GRM7: variants seen among roughly 807,000 people sequenced by gnomAD.
GRM7 encodes glutamate metabotropic receptor 7.
In GRM7, 35 loss-of-function variants were observed where a neutral mutation model predicts 84.5. That is an observed-to-expected ratio of 0.41 (90% CI 0.32 to 0.55). GRM7 has a LOEUF of 0.55. GRM7 is among the 20% of genes least tolerant of loss of function. The probability of loss-of-function intolerance (pLI) is 0.19; values close to 1 mark genes in which losing one functional copy is unlikely to be tolerated. For synonymous variants in GRM7, 487 were observed against 455.1 expected (o/e 1.07, Z -0.89); for missense variants, 1,003 against 1,194.6 (o/e 0.84, Z 2.36).
chr3:7,173,101 A>G (rs1179899920), intron 2 of GRM7, among the ~76,000 whole-genome samples: 1 of 152,216 alleles, frequency 6.6e-6, no homozygotes, highest in Non-Finnish European at 1.5e-5. Flanking sequence ...GGACTTGTCC[A>G]AGGTCACCAA....
In GRM7 at chr3:7,443,613, G is replaced by A. The variant is rs186691162; in HGVS notation, c.1175-8994G>A. ...ATTTTCTTTATTTTCTGCATTTCCT[G>A]TAAATTAATACATAGATCCAGAGCT... On this transcript the variant is annotated intron_variant, in intron 5 of 9. Transcript: ENST00000357716. Among the ~76,000 whole-genome samples the A allele has an allele frequency of 1.8e-3, 272 of 152,080 alleles. 3 individuals carry two copies. The highest frequency in any genetic ancestry group is 5.1e-3 in the African/African-American group (212 of 41,490).
intron 2 of GRM7, among the ~76,000 whole-genome samples, chr3:7,293,905 C>G (rs1699724941): frequency 6.6e-6 from 1 of 152,182 alleles, no homozygotes; most frequent in African/African-American, 2.4e-5. Flanking sequence ...GATGGATTGT[C>G]TTTCCAGCAG....
chr3:7,041,232 A>C (rs376065599), intron 1 of GRM7, among the ~76,000 whole-genome samples: 2 of 152,232 alleles, frequency 1.3e-5, no homozygotes, highest in Non-Finnish European at 1.5e-5. Context: ...ACCACAATCA[A>C]GATAACAAGC....
intron 2 of GRM7, among the ~76,000 whole-genome samples, chr3:7,277,240 T>C (rs2124989110): frequency 6.6e-6 from 1 of 152,192 alleles, no homozygotes; most frequent in East Asian, 1.9e-4. Context: ...ACTGTTGAAT[T>C]TCATGGACCA....
At chr3:7,306,428 A>T in intron 3 of GRM7, 70 bp from the exon 4 acceptor site, 11 of 1,344,986 alleles carry the variant, frequency 8.2e-6, no homozygotes, top group Non-Finnish European at 1.2e-5. Flanking sequence ...CCTTTTGCTG[A>T]CTTGCAATCT....
rs184402495 is a variant in GRM7, at chr3:6,939,920, A to T, written c.519+78013A>T. Reference sequence around the variant, plus strand: ...ATTTCATGATTTACAAAATGATAATATTCATATGCCACACTGGGGTGAACC... The same window carrying T: ...ATTTCATGATTTACAAAATGATAATTTTCATATGCCACACTGGGGTGAACC... On this transcript the variant is annotated intron_variant, in intron 1 of 9. Transcript: ENST00000357716. 4.9e-4 allele frequency among the ~76,000 whole-genome samples: 75 copies of T among 152,258 alleles called. 1 individual carries two copies. In the East Asian group the frequency reaches 0.012, roughly 24 times the overall value.
chr3:7,330,765 C>G (rs113677410), intron 4 of GRM7, among the ~76,000 whole-genome samples: 14,579 of 152,266 alleles, frequency 0.096, 1,081 homozygotes, highest in African/African-American at 0.21. Context: ...ATAAATTACC[C>G]AGTCTTGGGT....
rs180719358 is a variant in GRM7, at chr3:7,638,545, C to G, written c.2452-41504C>G. Reference sequence around the variant, plus strand: ...CCCACTCACCCTAATGCAACAAAGCCTTCCTGTAAGATCACCTCTTTTCTT... The same window carrying G: ...CCCACTCACCCTAATGCAACAAAGCGTTCCTGTAAGATCACCTCTTTTCTT... On this transcript the variant is annotated intron_variant, in intron 8 of 9. Transcript: ENST00000357716. 3.3e-5 allele frequency among the ~76,000 whole-genome samples: 5 copies of G among 152,252 alleles called. No individual in the cohort carries two copies. In the East Asian group the frequency reaches 9.7e-4, roughly 29 times the overall value.
At chr3:7,529,160 T>C (rs549994698) in intron 7 of GRM7, among the ~76,000 whole-genome samples, 1 of 152,130 alleles carries the variant, frequency 6.6e-6, no homozygotes, top group Non-Finnish European at 1.5e-5. Flanking sequence ...TATTTTGTGG[T>C]AAAGTTCGAG....
chr3:7,408,373 C>G (rs757858837), intron 4 of GRM7, among the ~76,000 whole-genome samples: 1 of 152,122 alleles, frequency 6.6e-6, no homozygotes, highest in Non-Finnish European at 1.5e-5. Context: ...CATCCATAAA[C>G]ACTTCCCGTG....
At chr3:7,564,870 T>G (rs1694190318) in intron 7 of GRM7, among the ~76,000 whole-genome samples, 1 of 152,126 alleles carries the variant, frequency 6.6e-6, no homozygotes, top group Admixed American at 6.5e-5. Context: ...CTTTCTATTT[T>G]GAGCTGTACC....
intron 7 of GRM7, among the ~76,000 whole-genome samples, chr3:7,495,897 A>T (rs527316107): frequency 6.6e-6 from 1 of 152,270 alleles, no homozygotes; most frequent in South Asian, 2.1e-4. Context: ...AAGTTATTTG[A>T]TTGCACCTCC....
intron 2 of GRM7, among the ~76,000 whole-genome samples, chr3:7,236,391 G>C (rs1037084450): frequency 6.6e-6 from 1 of 152,116 alleles, no homozygotes; most frequent in African/African-American, 2.4e-5. Context: ...TTTTAGAAAA[G>C]GGAAGTAGTA....
At chr3:6,988,584 G>A (rs75555225) in intron 1 of GRM7, among the ~76,000 whole-genome samples, 2 of 152,006 alleles carry the variant, frequency 1.3e-5, no homozygotes, top group Non-Finnish European at 2.9e-5. Flanking sequence ...TAGCTACTTC[G>A]AACTAAGCTT....
chr3:7,602,078 GA>G (rs1262779622), intron 8 of GRM7, among the ~76,000 whole-genome samples: 233 of 45,110 alleles, frequency 5.2e-3, no homozygotes, highest in Middle Eastern at 0.018. Context: ...ATATTACCAG[GA>G]CAAAAAAAAA....
At chr3:7,511,730 C>T (rs753745464) in intron 7 of GRM7, among the ~76,000 whole-genome samples, 3 of 152,168 alleles carry the variant, frequency 2.0e-5, no homozygotes, top group Non-Finnish European at 4.4e-5. Context: ...AATGAGACCA[C>T]AAAGGCATTA....
chr3:6,944,646 T>C (rs970273799), intron 1 of GRM7, among the ~76,000 whole-genome samples: 2 of 152,198 alleles, frequency 1.3e-5, no homozygotes, highest in Non-Finnish European at 2.9e-5. Context: ...TTTCTTATAA[T>C]GCATTTTTCC....
At chr3:7,223,254 G>C (rs1403074192) in intron 2 of GRM7, among the ~76,000 whole-genome samples, 1 of 151,614 alleles carries the variant, frequency 6.6e-6, no homozygotes, top group East Asian at 1.9e-4. Flanking sequence ...GTTTTGTTTT[G>C]TCTTATTATA....
At chr3:7,379,870 T>C (rs1290573687) in intron 4 of GRM7, among the ~76,000 whole-genome samples, 1 of 152,150 alleles carries the variant, frequency 6.6e-6, no homozygotes, top group African/African-American at 2.4e-5. Context: ...AGCTGATTAT[T>C]CTTCCTTACC....
Sources: gnomAD v4.1 joint callset for allele counts (sites outside exome capture counted in the v4.1 genomes callset) on GRCh38, gnomAD v4.1.1 for gene constraint, MANE v1.5 for transcripts, NCBI Gene and HGNC (gene_info 2026-07-23, HGNC 2026-07-21) for gene names.